The following NIPBL variants were observed in gnomAD, a reference collection of about 807,000 sequenced individuals.
NIPBL encodes the protein NIPBL cohesin loading factor, also known as nipped-B-like protein.
NIPBL carries 19 observed loss-of-function variants against 321.8 expected under a neutral mutation model. That is an observed-to-expected ratio of 0.06 (90% CI 0.04 to 0.09). The LOEUF is 0.09. NIPBL is among the 10% of genes least tolerant of loss of function. NIPBL has a pLI of 1.00. For missense variants in NIPBL, 2,210 were observed against 3,327.0 expected (o/e 0.66, Z 8.26); for synonymous variants, 1,106 against 1,114.1 (o/e 0.99, Z 0.14).
intron 1 of NIPBL, among the ~76,000 whole-genome samples, chr5:36,931,796 T>G (rs565862159): frequency 5.9e-5 from 9 of 151,716 alleles, no homozygotes; most frequent in South Asian, 4.2e-4. Context: ...TTTTTTTTTT[T>G]TTTGTTTATT....
rs758432898 is a variant in NIPBL at position 36,976,069 on chromosome 5, A to T, written c.1162A>T (p.Asn388Tyr). 6.2e-7 allele frequency: 1 copy of T among 1,614,070 alleles called. No individual in the cohort carries two copies. The highest frequency in any genetic ancestry group is 8.5e-7 in the Non-Finnish European group (1 of 1,179,958). ...SGVENSNVSE[N>Y]DIPFNVQYPG... Reference sequence around the variant, plus strand: ...TGTGGAAAATAGCAATGTTTCAGAAAATGATATTCCTTTTAATGTGCAGTA... The same window carrying T: ...TGTGGAAAATAGCAATGTTTCAGAATATGATATTCCTTTTAATGTGCAGTA... The change falls in exon 9 of 47, where the codon AAT becomes TAT. Residue 388 changes from asparagine (N) to tyrosine (Y), a missense_variant. By Grantham distance (143) the Asn-to-Tyr change is moderately radical (BLOSUM62 -2). Around this residue, in one of 14 missense-constraint regions of NIPBL, gnomAD observed 464 missense variants for 529.5 expected, o/e 0.88. Coordinates refer to ENST00000282516, the MANE Select transcript of NIPBL (RefSeq NM_133433.4).
At chr5:36,900,541 T>C (rs1026009059) in intron 1 of NIPBL, among the ~76,000 whole-genome samples, 3 of 152,162 alleles carry the variant, frequency 2.0e-5, no homozygotes, top group African/African-American at 7.2e-5. Flanking sequence ...TCAACATAAT[T>C]ACAATGAATG....
intron 25 of NIPBL, 79 bp from the exon 26 acceptor site, chr5:37,020,380 T>C: frequency 3.2e-6 from 3 of 946,904 alleles, no homozygotes; most frequent in Admixed American, 1.9e-5. Flanking sequence ...ATTCCTGTAA[T>C]GTGAGCACTC....
intron 8 of NIPBL, among the ~76,000 whole-genome samples, chr5:36,974,436 T>A (rs1743218779): frequency 6.6e-6 from 1 of 152,184 alleles, no homozygotes; most frequent in African/African-American, 2.4e-5. Context: ...GGCATAATGG[T>A]ATATTACAAT....
At chr5:37,019,469 G>A (rs1036621252) in intron 25 of NIPBL, 69 bp downstream of exon 25, 33 of 1,131,954 alleles carry the variant, frequency 2.9e-5, no homozygotes, top group Non-Finnish European at 4.3e-5. Context: ...AAAATTGGGA[G>A]GTAGCATGAT....
In NIPBL at chr5:37,017,072, T is replaced by G. The variant is rs986105665; in HGVS notation, c.4830T>G (p.Leu1610=). 43 of 1,612,360 alleles carry G rather than the reference T, an allele frequency of 2.7e-5. No homozygotes were observed. The highest frequency in any genetic ancestry group is 3.4e-5 in the Non-Finnish European group (40 of 1,178,992). ...AGATGGCTTTAAGAGTGGCATCTCT[T>G]GATTACCTTGGAACTGTTGCTGCAC... ...STEMALRVAS[L]DYLGTVAARL... is the part of the protein sequence containing the mutation. The change falls in exon 24 of 47, where the codon CTT becomes CTG. Residue 1610 remains leucine (L), a synonymous_variant. Coordinates refer to ENST00000282516, the MANE Select transcript of NIPBL (RefSeq NM_133433.4).
At chr5:36,892,540 A>G (rs558888263) in intron 1 of NIPBL, among the ~76,000 whole-genome samples, 6 of 152,314 alleles carry the variant, frequency 3.9e-5, no homozygotes, top group Middle Eastern at 3.4e-3. Context: ...AACCAACCCA[A>G]ATATCCAACA....
rs1749085657 is a variant in NIPBL, at chr5:37,017,119, C to A, written c.4877C>A (p.Thr1626Lys). Residue 1626 changes from threonine to lysine, a missense_variant, in exon 24 of 47, where the codon ACA becomes AAA. By Grantham distance (78) the Thr-to-Lys change is moderately conservative (BLOSUM62 -1). Coordinates refer to ENST00000282516, the MANE Select transcript of NIPBL (RefSeq NM_133433.4). ...VAARLRKDAV[T>K]SKMDQGSIER... is the part of the protein sequence containing the mutation. ...GCACGGCTAAGAAAAGATGCTGTTA[C>A]AAGCAAAATGGATCAAGGATCTATA... The A allele has an allele frequency of 1.2e-6, 2 of 1,612,674 alleles. No homozygotes were observed. The highest frequency in any genetic ancestry group is 1.7e-6 in the Non-Finnish European group (2 of 1,179,030).
intron 1 of NIPBL, among the ~76,000 whole-genome samples, chr5:36,952,018 C>CTGTGTGTGTGTGTGTGTGTGTGTGTG (rs60067315): frequency 2.9e-5 from 3 of 101,958 alleles, no homozygotes; most frequent in East Asian, 3.9e-4. Flanking sequence ...CTCTGTTAAA[C>CTGTGTGTGTGTGTGTGTGTGTGTGTG]TGTGTGTGTG....
At chr5:36,975,427 C>T (rs980758948) in intron 8 of NIPBL, among the ~76,000 whole-genome samples, 12 of 152,040 alleles carry the variant, frequency 7.9e-5, no homozygotes, top group Non-Finnish European at 1.5e-4. Context: ...TGGTCATACC[C>T]AAAATATTTG....
chr5:37,013,270 GGATGGGGCGGCTGGCCAGGCGGGGGGCT>G (rs1056893352), intron 21 of NIPBL, among the ~76,000 whole-genome samples: 2 of 147,360 alleles, frequency 1.4e-5, no homozygotes, highest in Non-Finnish European at 3.0e-5. Context: ...CTCACCTCGC[GGATGGGGCGGCTGGCCAGGCGGGGGGCT>G]GACCCCCCCA....
intron 43 of NIPBL, among the ~76,000 whole-genome samples, chr5:37,058,047 G>T (rs1224276359): frequency 1.3e-5 from 2 of 152,102 alleles, no homozygotes; most frequent in African/African-American, 4.8e-5. Context: ...GATGCCTCCT[G>T]AGGGCTGGAA....
intron 32 of NIPBL, among the ~76,000 whole-genome samples, chr5:37,027,631 G>A (rs1473469351): frequency 1.5e-5 from 1 of 68,322 alleles, no homozygotes; most frequent in Non-Finnish European, 2.8e-5. Context: ...TTTTTTTTGA[G>A]GTGGAGTCTC....
At chr5:36,983,685 C>T (rs765806744) in intron 9 of NIPBL, among the ~76,000 whole-genome samples, 1 of 151,930 alleles carries the variant, frequency 6.6e-6, no homozygotes, top group Non-Finnish European at 1.5e-5. Context: ...TTCCCAAGAC[C>T]TAACTGGAGA....
In NIPBL at chr5:37,065,747, C is replaced by T. The variant is rs956444146; in HGVS notation, c.*855C>T. On this transcript the variant is annotated 3_prime_UTR_variant, in exon 47 of 47. Transcript: ENST00000282516. ...TGTATCCTGCAATATTTAGTATTAA[C>T]TATATATGATTTAGCACTGTGCCAA... The T allele has an allele frequency of 3.9e-5, 6 of 152,504 alleles. No homozygotes were observed. The highest frequency in any genetic ancestry group is 7.4e-5 in the Non-Finnish European group (5 of 67,996). 9.4% of individuals were successfully genotyped at this position (152,504 alleles called of 1,614,324 possible).
intron 9 of NIPBL, among the ~76,000 whole-genome samples, chr5:36,977,968 G>A (rs1033010544): frequency 1.3e-5 from 2 of 151,750 alleles, no homozygotes; most frequent in African/African-American, 4.8e-5. Flanking sequence ...TGTGTACCAC[G>A]GTGTATATAT....
intron 9 of NIPBL, among the ~76,000 whole-genome samples, chr5:36,979,142 A>G (rs756677695): frequency 6.6e-6 from 1 of 151,904 alleles, no homozygotes; most frequent in Non-Finnish European, 1.5e-5. Flanking sequence ...TGGTAGTTTG[A>G]TAGGAATAGT....
At chr5:36,928,037 C>T (rs936910567) in intron 1 of NIPBL, among the ~76,000 whole-genome samples, 1 of 151,806 alleles carries the variant, frequency 6.6e-6, no homozygotes, top group African/African-American at 2.4e-5. Flanking sequence ...AAACCATACT[C>T]GATGCACAAA....
chr5:36,952,849 CAA>C (rs924989789), intron 1 of NIPBL, among the ~76,000 whole-genome samples: 2 of 152,150 alleles, frequency 1.3e-5, no homozygotes, highest in East Asian at 1.9e-4. Flanking sequence ...AAGATTGAAA[CAA>C]GACAAGTTTC....
Sources: allele counts gnomAD v4.1 joint callset (sites outside exome capture counted in the v4.1 genomes callset), GRCh38; gene constraint gnomAD v4.1.1; regional missense constraint gnomAD v4.1.1; transcripts MANE v1.5; gene names NCBI Gene and HGNC (gene_info 2026-07-23, HGNC 2026-07-21).